SPATA13: variants seen among roughly 807,000 people sequenced by gnomAD.
SPATA13 encodes spermatogenesis associated 13.
SPATA13 carries 50 observed loss-of-function variants against 104.0 expected under a neutral mutation model. The ratio of observed to expected loss-of-function variants is 0.48; its 90% CI spans 0.38 to 0.61. The LOEUF is 0.61. Ranked by LOEUF, SPATA13 falls within the 20% of genes least tolerant of loss-of-function variation. The pLI, the probability that SPATA13 is intolerant of heterozygous loss-of-function variation, is 0.00. For synonymous variants in SPATA13, 606 were observed against 667.5 expected, an observed-to-expected ratio of 0.91 and a Z score of 1.42; for missense variants, 1,524 against 1,690.6, an observed-to-expected ratio of 0.90 and a Z score of 1.73.
chr13:24,024,313 T>C (rs1037300358), intron 3 of SPATA13, among the ~76,000 whole-genome samples: 1 of 148,938 alleles, frequency 6.7e-6, no homozygotes. Flanking sequence ...CAGACCATGG[T>C]GGGTGCTTAA....
At chr13:24,216,027 C>A (rs549852394) in intron 1 of SPATA13, among the ~76,000 whole-genome samples, 3 of 152,156 alleles carry the variant, frequency 2.0e-5, no homozygotes, top group African/African-American at 7.2e-5. Flanking sequence ...GAAGTCAAGA[C>A]GCAGGGCAGT....
intron 4 of SPATA13, among the ~76,000 whole-genome samples, chr13:24,282,460 C>T (rs1364130270): frequency 6.6e-6 from 1 of 152,234 alleles, no homozygotes; most frequent in Non-Finnish European, 1.5e-5. Flanking sequence ...CAGGCTTCTG[C>T]TTTTTGTTAA....
At chr13:24,096,647 A>G (rs766073434) in intron 3 of SPATA13, among the ~76,000 whole-genome samples, 10 of 152,156 alleles carry the variant, frequency 6.6e-5, no homozygotes, top group Non-Finnish European at 1.0e-4. Flanking sequence ...GAAGCCATAG[A>G]AAGCCACTAG....
Position 24,042,089 on chromosome 13 carries a change from G to A in SPATA13, c.-112+24388G>A, listed in dbSNP as rs143982170. On this transcript the variant is annotated intron_variant, in intron 3 of 14. Transcript: ENST00000424834. ...CAGGTGGACCAACTCTAGGGGCAGC[G>A]CAAGCTCCCTTCAGGCACATTTGCT... Among the ~76,000 whole-genome samples, 451 of 151,994 alleles carry A rather than the reference G, an allele frequency of 3.0e-3. 2 individuals are homozygous for A. Among genetic ancestry groups the A allele is most frequent in the African/African-American group, 8.0e-3 (330 of 41,384 alleles).
At chr13:24,175,352 G>T (rs1883173376) in intron 1 of SPATA13, among the ~76,000 whole-genome samples, 1 of 152,098 alleles carries the variant, frequency 6.6e-6, no homozygotes, top group Non-Finnish European at 1.5e-5. Flanking sequence ...ACATAGGGAG[G>T]CTAAAAGTCT....
intron 4 of SPATA13, among the ~76,000 whole-genome samples, chr13:24,258,222 T>G (rs1873879813): frequency 7.5e-6 from 1 of 132,596 alleles, no homozygotes; most frequent in East Asian, 2.2e-4. Flanking sequence ...GCAACAAGAG[T>G]GAAACTCTAT....
intron 2 of SPATA13, among the ~76,000 whole-genome samples, chr13:24,002,492 C>T (rs1876024858): frequency 6.6e-6 from 1 of 152,140 alleles, no homozygotes; most frequent in Non-Finnish European, 1.5e-5. Context: ...GTGGTTGTGT[C>T]TGAAAGCACG....
intron 10 of SPATA13, 54 bp from the exon 11 acceptor site, chr13:24,297,309 G>T: frequency 1.9e-6 from 3 of 1,550,338 alleles, no homozygotes; most frequent in South Asian, 1.2e-5. Flanking sequence ...AAGTAGCTAG[G>T]ACTACAGCTG....
At chr13:24,099,678 C>T (rs989966025) in intron 3 of SPATA13, among the ~76,000 whole-genome samples, 9 of 152,198 alleles carry the variant, frequency 5.9e-5, no homozygotes, top group Non-Finnish European at 1.3e-4. Context: ...TAGCTGTCAC[C>T]TTACAGGAAG....
chr13:24,101,219 G>A (rs554946193), intron 3 of SPATA13, among the ~76,000 whole-genome samples: 1 of 152,034 alleles, frequency 6.6e-6, no homozygotes, highest in African/African-American at 2.4e-5. Flanking sequence ...TCTCTTTCTC[G>A]CCACACACTC....
intron 2 of SPATA13, among the ~76,000 whole-genome samples, chr13:24,245,848 CA>C (rs1369755038): frequency 1.3e-5 from 2 of 152,118 alleles, no homozygotes; most frequent in East Asian, 3.9e-4. Flanking sequence ...CTGAGCCTCC[CA>C]AAGTGCTGGG....
chr13:24,139,249 A>T (rs768131397), intron 3 of SPATA13, among the ~76,000 whole-genome samples: 1 of 152,154 alleles, frequency 6.6e-6, no homozygotes, highest in Non-Finnish European at 1.5e-5. Flanking sequence ...GACACCAGTC[A>T]GTTTCGGGTC....
chr13:24,301,506 T>C (rs971647929), intron 12 of SPATA13, among the ~76,000 whole-genome samples: 2 of 152,256 alleles, frequency 1.3e-5, no homozygotes, highest in African/African-American at 4.8e-5. Context: ...TTAGAATACA[T>C]TGTTTTCTGT....
At chr13:24,280,841 G>A (rs1414098999) in intron 4 of SPATA13, among the ~76,000 whole-genome samples, 1 of 152,024 alleles carries the variant, frequency 6.6e-6, no homozygotes, top group Admixed American at 6.6e-5. Context: ...CACCAGCAAA[G>A]CATACTAGAC....
intron 2 of SPATA13, among the ~76,000 whole-genome samples, chr13:24,013,706 CTT>C (rs59130588): frequency 0.087 from 11,855 of 135,580 alleles, 813 homozygotes; most frequent in East Asian, 0.42. Flanking sequence ...TTTTTTTCCA[CTT>C]TTTTTTTTTT....
intron 1 of SPATA13, among the ~76,000 whole-genome samples, chr13:24,211,931 A>G (rs7327979): frequency 0.23 from 34,915 of 151,994 alleles, 4,385 homozygotes; most frequent in South Asian, 0.3. Context: ...GAAGGAGGCC[A>G]CTTCAGGCTT....
Position 24,302,459 on chromosome 13 carries a change from C to CAA in SPATA13, c.3659-110_3659-109dup, listed in dbSNP as rs71070678. 1,249 of 193,836 alleles carry CAA rather than the reference C, an allele frequency of 6.4e-3. 48 individuals carry two copies. Among genetic ancestry groups the CAA allele is most frequent in the African/African-American group, 0.019 (443 of 23,896 alleles). 12.0% of individuals were successfully genotyped at this position (193,836 alleles called of 1,614,324 possible). ...CCTGGGTGACAGTAAGACCCTGTCT[C>CAA]AAAAAAAAAAAAAAAAAAAAAAAAA... On this transcript the variant is annotated intron_variant, in intron 12 of 12. Coordinates refer to ENST00000382108, the MANE Select transcript of SPATA13 (RefSeq NM_001166271.3).
At chr13:24,236,957 C>T (rs1197985504) in intron 2 of SPATA13, among the ~76,000 whole-genome samples, 1 of 152,132 alleles carries the variant, frequency 6.6e-6, no homozygotes, top group Non-Finnish European at 1.5e-5. Context: ...CATAGCAGCA[C>T]TATTCATAAG....
intron 3 of SPATA13, among the ~76,000 whole-genome samples, chr13:24,037,905 A>G (rs148123221): frequency 3.3e-5 from 5 of 152,082 alleles, no homozygotes; most frequent in Non-Finnish European, 7.4e-5. Flanking sequence ...AAGGTTAGTA[A>G]CAACTAGACT....
Sources: allele counts gnomAD v4.1 joint callset (sites outside exome capture counted in the v4.1 genomes callset), GRCh38; gene constraint gnomAD v4.1.1; transcripts MANE v1.5; gene names NCBI Gene and HGNC (gene_info 2026-07-23, HGNC 2026-07-21).